The following NBAS variants were observed in gnomAD, a reference collection of about 807,000 sequenced individuals.
NBAS encodes NBAS subunit of NRZ tethering complex, also known as NAG/BC035112 fusion.
In NBAS, 219 loss-of-function variants were observed where a neutral mutation model predicts 302.5. That is an observed-to-expected ratio of 0.72 (90% confidence interval 0.65 to 0.81). NBAS has a LOEUF of 0.81. NBAS is among the 30% of genes least tolerant of loss of function. The probability of loss-of-function intolerance (pLI) is 0.00; values close to 1 mark genes in which losing one functional copy is unlikely to be tolerated. For missense variants in NBAS, 2,932 were observed against 2,841.6 expected (o/e 1.03, Z -0.72); for synonymous variants, 1,118 against 1,021.6 (o/e 1.09, Z -1.80).
intron 44 of NBAS, among the ~76,000 whole-genome samples, chr2:15,269,588 C>G (rs1383384249): frequency 6.6e-6 from 1 of 152,180 alleles, no homozygotes; most frequent in East Asian, 1.9e-4. Flanking sequence ...CTTCCCAATA[C>G]TTACAGACTT....
intron 41 of NBAS, among the ~76,000 whole-genome samples, chr2:15,288,731 T>C (rs1670171103): frequency 6.6e-6 from 1 of 152,230 alleles, no homozygotes; most frequent in South Asian, 2.1e-4. Flanking sequence ...AAGAATGGTG[T>C]GGGTGAAAGC....
chr2:15,184,292 C>A (rs56050740), intron 50 of NBAS, among the ~76,000 whole-genome samples: 31,017 of 151,798 alleles, frequency 0.2, 4,332 homozygotes, highest in East Asian at 0.49. Context: ...TAGTCCACCC[C>A]ATGGAGGGGA....
At chr2:15,082,401 C>A in the NBAS span, among the ~76,000 whole-genome samples, 1 of 152,186 alleles carries the variant, frequency 6.6e-6, no homozygotes, top group Admixed American at 6.5e-5. Context: ...ACTCCTCTAA[C>A]ATCACTTGCT....
chr2:14,804,267 C>T, the NBAS span, among the ~76,000 whole-genome samples: 1 of 152,152 alleles, frequency 6.6e-6, no homozygotes, highest in Non-Finnish European at 1.5e-5. Flanking sequence ...CTATTTAGTG[C>T]TACATTTTCA....
chr2:15,129,077 G>A, the NBAS span, among the ~76,000 whole-genome samples: 34 of 152,340 alleles, frequency 2.2e-4, no homozygotes, highest in African/African-American at 5.8e-4. Flanking sequence ...ATGCACAGCC[G>A]CAGCTCTCCG....
At chr2:15,124,350 G>A in the NBAS span, among the ~76,000 whole-genome samples, 1 of 152,134 alleles carries the variant, frequency 6.6e-6, no homozygotes, top group African/African-American at 2.4e-5. Context: ...ATCAGAGGAG[G>A]GAGCAAAAGA....
chr2:15,560,633 G>A (rs2148723153), intron 1 of NBAS, among the ~76,000 whole-genome samples: 1 of 151,824 alleles, frequency 6.6e-6, no homozygotes, highest in East Asian at 1.9e-4. Context: ...CTCTTTTATT[G>A]AAACACACAA....
the NBAS span, among the ~76,000 whole-genome samples, chr2:15,066,913 T>C: frequency 1.3e-5 from 2 of 152,146 alleles, no homozygotes; most frequent in Non-Finnish European, 2.9e-5. Context: ...CCCATGTTCA[T>C]TGCAGCATTG....
At chr2:15,326,879 C>T (rs1672093588) in intron 38 of NBAS, among the ~76,000 whole-genome samples, 2 of 152,030 alleles carry the variant, frequency 1.3e-5, no homozygotes, top group Non-Finnish European at 2.9e-5. Flanking sequence ...CATGTGAGTA[C>T]TGATTGATAG....
chr2:14,841,480 A>G, the NBAS span, among the ~76,000 whole-genome samples: 1 of 143,216 alleles, frequency 7.0e-6, no homozygotes, highest in South Asian at 2.2e-4. Flanking sequence ...GTAGAAAAAA[A>G]CATTCCATGC....
At chr2:15,508,626 A>G (rs560639429) in intron 10 of NBAS, among the ~76,000 whole-genome samples, 6 of 137,696 alleles carry the variant, frequency 4.4e-5, no homozygotes, top group African/African-American at 1.7e-4. Flanking sequence ...ATTTTGTCAC[A>G]TTTGCTTTAT....
chr2:14,962,212 G>A, the NBAS span, among the ~76,000 whole-genome samples: 1 of 152,148 alleles, frequency 6.6e-6, no homozygotes, highest in East Asian at 1.9e-4. Flanking sequence ...GCAGAAAGAG[G>A]GCTGGAGCAT....
chr2:15,186,649 G>A (rs1665099880), intron 50 of NBAS, 93 bp downstream of exon 50: 7 of 1,571,144 alleles, frequency 4.5e-6, no homozygotes, highest in Non-Finnish European at 6.1e-6. Context: ...TAAGCTAAAT[G>A]TTCCTCAAAT....
intron 35 of NBAS, among the ~76,000 whole-genome samples, chr2:15,340,160 T>C (rs902568120): frequency 6.6e-6 from 1 of 152,150 alleles, no homozygotes; most frequent in African/African-American, 2.4e-5. Flanking sequence ...GGCTATATTG[T>C]TGACCATTGA....
the NBAS span, among the ~76,000 whole-genome samples, chr2:14,823,294 C>A: frequency 1.3e-5 from 2 of 152,178 alleles, no homozygotes; most frequent in African/African-American, 2.4e-5. Flanking sequence ...TCTTCATAAT[C>A]TCGTTTACAT....
the NBAS span, among the ~76,000 whole-genome samples, chr2:15,081,929 CACTG>C: frequency 6.6e-6 from 1 of 152,202 alleles, no homozygotes; most frequent in Admixed American, 6.5e-5. Context: ...CTTTTCCACT[CACTG>C]ACTATGTCAC....
chr2:15,334,275 C>T (rs1468197307), intron 35 of NBAS, among the ~76,000 whole-genome samples: 1 of 151,794 alleles, frequency 6.6e-6, no homozygotes, highest in Non-Finnish European at 1.5e-5. Context: ...CTGCAATCTC[C>T]GCCTCCCAGG....
the NBAS span, among the ~76,000 whole-genome samples, chr2:14,954,038 T>C: frequency 1.3e-5 from 2 of 152,172 alleles, no homozygotes; most frequent in Non-Finnish European, 2.9e-5. Flanking sequence ...CCCTGCTTCA[T>C]TCTTAAGATT....
chr2:15,060,685 T>A, the NBAS span, among the ~76,000 whole-genome samples: 2 of 152,142 alleles, frequency 1.3e-5, no homozygotes, highest in East Asian at 3.9e-4. Context: ...GGATCCTAGA[T>A]CTACTACTTT....
Sources: gnomAD v4.1 joint callset for allele counts (sites outside exome capture counted in the v4.1 genomes callset) on GRCh38, gnomAD v4.1.1 for gene constraint, MANE v1.5 for transcripts, NCBI Gene and HGNC (gene_info 2026-07-23, HGNC 2026-07-21) for gene names.